NTSR2: variants seen among roughly 807,000 people sequenced by gnomAD.
NTSR2 encodes neurotensin receptor 2, also known as neurotensin receptor type 2.
A neutral mutation model predicts 24.1 loss-of-function variants in NTSR2; 22 were observed. The observed-to-expected ratio is 0.91, with a 90% CI of 0.65 to 1.30. NTSR2 has a LOEUF of 1.30. NTSR2 is among the 50% of genes most tolerant of loss of function. NTSR2 has a pLI of 0.00. For synonymous variants in NTSR2, 291 were observed against 267.0 expected (o/e 1.09, Z -0.88); for missense variants, 570 against 570.4 (o/e 1.00, Z 0.01).
intron 1 of NTSR2, among the ~76,000 whole-genome samples, chr2:11,669,033 C>A (rs954537673): frequency 3.3e-5 from 5 of 152,072 alleles, no homozygotes; most frequent in Non-Finnish European, 5.9e-5. Flanking sequence ...GCCAGGGAGA[C>A]GGTAACAGGA....
chr2:11,670,105 G>A lies in NTSR2; in HGVS notation c.25C>T (p.Pro9Ser). 1 of 1,392,558 alleles carries A rather than the reference G, an allele frequency of 7.2e-7. No homozygotes were observed. Among genetic ancestry groups the A allele is most frequent in the Non-Finnish European group, 9.3e-7 (1 of 1,079,702 alleles). 86.3% of individuals were successfully genotyped at this position (1,392,558 alleles called of 1,614,324 possible). ...AGCCCCGGGTTGGAGCTGGGCCGCG[G>A]GGGCCGCGGGCTGCTGGTTTCCATC... The part of the protein sequence containing the change: METSSPRP[P>S]RPSSNPGLSL... Residue 9 changes from proline to serine, a missense_variant, in exon 1 of 4, where the codon CCG becomes TCG. By Grantham distance (74) the Pro-to-Ser change is moderately conservative. Transcript: ENST00000306928.
intron 1 of NTSR2, 46 bp downstream of exon 1, chr2:11,669,460 G>GGGCCGGGGGGGCC: frequency 3.9e-6 from 1 of 254,726 alleles, no homozygotes; most frequent in Non-Finnish European, 6.9e-6. Flanking sequence ...TCCCAGCACC[G>GGGCCGGGGGGGCC]CCCCCCCACC....
In NTSR2 at chr2:11,669,538, C is replaced by T; in HGVS notation, c.592G>A (p.Val198Met). Residue 198 changes from valine to methionine, a missense_variant, in exon 1 of 4, where the codon GTG becomes ATG. Coordinates refer to ENST00000306928, the MANE Select transcript of NTSR2 (RefSeq NM_012344.4). ...EPASRVCTVL[V>M]SRTALQVFIQ... is the part of the protein sequence containing the mutation. ...AAGACTTGGAGCGCGGTGCGGCTCACCAGCACCGTGCACACTCGCGAGGCG... is the reference window on the plus strand; with the variant it reads ...AAGACTTGGAGCGCGGTGCGGCTCATCAGCACCGTGCACACTCGCGAGGCG... 2.2e-6 allele frequency: 3 copies of T among 1,358,478 alleles called. No homozygotes were observed. The highest frequency in any genetic ancestry group is 1.3e-5 in the South Asian group (1 of 77,022). 84.2% of individuals were successfully genotyped at this position (1,358,478 alleles called of 1,614,324 possible).
rs753410620 is a variant in NTSR2, at chr2:11,667,663, G to A, written c.624+1843C>T. ...CCGAGCCTTATAAACTTTTAAATGC[G>A]AAGTTCCATGTAAAATAAACAAGGA... On this transcript the variant is annotated intron_variant, in intron 1 of 3. Transcript: ENST00000306928. Among the ~76,000 whole-genome samples, 4 of 152,226 alleles carry A rather than the reference G, an allele frequency of 2.6e-5. No homozygotes were observed. The East Asian group carries it at 5.8e-4, about 22-fold the overall frequency.
chr2:11,669,989 C>CGCGCCCA lies in NTSR2; in HGVS notation c.134_140dup (p.Ala48GlyfsTer214), dbSNP rs996705358. The CGCGCCCA allele has an allele frequency of 4.6e-6, 7 of 1,512,788 alleles. No individual in the cohort carries two copies. In the African/African-American group the frequency reaches 1.0e-4, roughly 22 times the overall value. 93.7% of individuals were successfully genotyped at this position (1,512,788 alleles called of 1,614,324 possible). A position where few individuals can be genotyped will look rare whatever the true frequency, so the allele number is the denominator to read the frequency against. On this transcript the variant is annotated frameshift_variant, in exon 1 of 4. Transcript: ENST00000306928. LOFTEE classifies it high-confidence loss of function. ...CGTGCGCGGACAGCGCATTGCCCGCCGCGCCCAGCGCCCAGATGAGTGCGT... is the reference window on the plus strand; with the variant it reads ...CGTGCGCGGACAGCGCATTGCCCGCCGCGCCCAGCGCCCAGCGCCCAGATGAGTGCGT...
Position 11,662,219 on chromosome 2 carries a change from C to T in NTSR2, c.646G>A (p.Val216Met), listed in dbSNP as rs780850319. The change falls in exon 2 of 4, where the codon GTG (valine) becomes ATG (methionine). Residue 216 changes from valine to methionine, a missense_variant. Coordinates refer to ENST00000306928, the MANE Select transcript of NTSR2 (RefSeq NM_012344.4). ...AAAGCAGTTAGTGCCAAGGGGAGCACGAAGGACACCAGCACATTCACCTGT... is the reference window on the plus strand; with the variant it reads ...AAAGCAGTTAGTGCCAAGGGGAGCATGAAGGACACCAGCACATTCACCTGT... ...FIQVNVLVSFVLPLALTAFLN... is the reference protein window; with the variant it reads ...FIQVNVLVSFMLPLALTAFLN... 45 of 1,532,280 alleles carry T rather than the reference C, an allele frequency of 2.9e-5. No homozygotes were observed. In the South Asian group the frequency reaches 4.3e-4, roughly 15 times the overall value. The allele number at this position is 1,532,280 out of a possible 1,614,324, so 94.9% of individuals were successfully genotyped here.
intron 1 of NTSR2, among the ~76,000 whole-genome samples, chr2:11,664,392 A>T (rs1045733733): frequency 6.6e-6 from 1 of 152,244 alleles, no homozygotes; most frequent in African/African-American, 2.4e-5. Flanking sequence ...TGCTGGGATT[A>T]CAGGTGTGAG....
chr2:11,670,066 G>A lies in NTSR2; in HGVS notation c.64C>T (p.Arg22Trp). Residue 22 changes from arginine to tryptophan, a missense_variant, in exon 1 of 4, where the codon CGG becomes TGG. Transcript: ENST00000306928. Reference sequence around the variant, plus strand: ...CAGAGGCGAGTGTCCACGCCCAGCCGGGCGTCCAGGCTCAGCCCCGGGTTG... The same window carrying A: ...CAGAGGCGAGTGTCCACGCCCAGCCAGGCGTCCAGGCTCAGCCCCGGGTTG... ...SSNPGLSLDA[R>W]LGVDTRLWAK... The A allele has an allele frequency of 4.1e-6, 6 of 1,464,838 alleles. No homozygotes were observed. The highest frequency in any genetic ancestry group is 4.5e-6 in the Non-Finnish European group (5 of 1,115,652). 90.7% of individuals were successfully genotyped at this position (1,464,838 alleles called of 1,614,324 possible). A position where few individuals can be genotyped will look rare whatever the true frequency, so the allele number is the denominator to read the frequency against.
intron 1 of NTSR2, among the ~76,000 whole-genome samples, chr2:11,662,447 G>GA (rs535336606): frequency 3.8e-4 from 58 of 151,786 alleles, no homozygotes; most frequent in Middle Eastern, 3.4e-3. Flanking sequence ...GTTCCAGGAA[G>GA]AAAAAAAATA....
chr2:11,659,381 A>T (rs1404941159), intron 3 of NTSR2, among the ~76,000 whole-genome samples: 1 of 152,142 alleles, frequency 6.6e-6, no homozygotes, highest in Non-Finnish European at 1.5e-5. Flanking sequence ...CCGTCTGAGG[A>T]GCCGCACTCC....
chr2:11,659,730 A>G (rs1401798859), intron 3 of NTSR2, among the ~76,000 whole-genome samples: 1 of 152,144 alleles, frequency 6.6e-6, no homozygotes, highest in East Asian at 1.9e-4. Flanking sequence ...GGAAGGAGAG[A>G]GAGAGGAAGC....
chr2:11,669,847 C>G lies in NTSR2; in HGVS notation c.283G>C (p.Val95Leu). 1 of 1,584,694 alleles carries G rather than the reference C, an allele frequency of 6.3e-7. No homozygotes were observed. The highest frequency in any genetic ancestry group is 8.5e-7 in the Non-Finnish European group (1 of 1,171,966). Residue 95 changes from valine (V) to leucine (L), a missense_variant, in exon 1 of 4, where the codon GTG (valine) becomes CTG (leucine). Transcript: ENST00000306928. ...VGVPVELYSFVWFHYPWVFGD... is the reference protein window; with the variant it reads ...VGVPVELYSFLWFHYPWVFGD... ...AAGACCCAGGGGTAGTGGAACCACA[C>G]GAAGCTGTAGAGCTCCACCGGCACG...
At chr2:11,660,764 G>T (rs918248016) in intron 2 of NTSR2, among the ~76,000 whole-genome samples, 8 of 152,136 alleles carry the variant, frequency 5.3e-5, no homozygotes, top group African/African-American at 1.7e-4. Context: ...AAGTGAACTT[G>T]TGTCTTTCTT....
chr2:11,661,360 A>G (rs1661067627), intron 2 of NTSR2, among the ~76,000 whole-genome samples: 1 of 152,144 alleles, frequency 6.6e-6, no homozygotes, highest in Admixed American at 6.5e-5. Context: ...ATCACATTGC[A>G]CTTAGCTCTT....
chr2:11,669,460 G>GGGCCCCCCCC, intron 1 of NTSR2, 46 bp downstream of exon 1: 1 of 254,726 alleles, frequency 3.9e-6, no homozygotes, highest in East Asian at 5.5e-5. Context: ...TCCCAGCACC[G>GGGCCCCCCCC]CCCCCCCACC....
chr2:11,667,873 T>G lies in NTSR2; in HGVS notation c.624+1633A>C, dbSNP rs79979635. Reference sequence around the variant, plus strand: ...ACAGTTGCTCATGGCAGATTCCATGTGATGAGCAAGGGATCTCTGGGCTGA... The same window carrying G: ...ACAGTTGCTCATGGCAGATTCCATGGGATGAGCAAGGGATCTCTGGGCTGA... On this transcript the variant is annotated intron_variant, in intron 1 of 3. Coordinates refer to ENST00000306928, the MANE Select transcript of NTSR2 (RefSeq NM_012344.4). Among the ~76,000 whole-genome samples the G allele has an allele frequency of 9.7e-3, 1,479 of 152,248 alleles. 19 individuals are homozygous for G. The highest frequency in any genetic ancestry group is 0.024 in the Middle Eastern group (7 of 294).
intron 1 of NTSR2, 127 bp from the exon 2 acceptor site, chr2:11,662,367 G>A: frequency 1.1e-5 from 10 of 902,018 alleles, no homozygotes; most frequent in Non-Finnish European, 1.4e-5. Flanking sequence ...AGATAAGGTT[G>A]AGAAAGTTCT....
At chr2:11,664,366 C>G (rs1661149059) in intron 1 of NTSR2, among the ~76,000 whole-genome samples, 1 of 152,198 alleles carries the variant, frequency 6.6e-6, no homozygotes, top group Admixed American at 6.5e-5. Context: ...AATCTGCCCA[C>G]CTTGGCTTCG....
In NTSR2 at chr2:11,670,155, C is replaced by T; in HGVS notation, c.-26G>A. On this transcript the variant is annotated 5_prime_UTR_variant, in exon 1 of 4. Transcript: ENST00000306928. ...CCCGCTCCCGCGGCCGGCGCTCCCT[C>T]CCTCTCACTGCCCGGAGTCTGGGCG... 1 of 1,361,122 alleles carries T rather than the reference C, an allele frequency of 7.3e-7. No individual in the cohort carries two copies. The highest frequency in any genetic ancestry group is 1.8e-5 in the South Asian group (1 of 54,924). 84.3% of individuals were successfully genotyped at this position (1,361,122 alleles called of 1,614,324 possible). A position where few individuals can be genotyped will look rare whatever the true frequency, so the allele number is the denominator to read the frequency against.
Sources: gnomAD v4.1 joint callset for allele counts (sites outside exome capture counted in the v4.1 genomes callset) on GRCh38, gnomAD v4.1.1 for gene constraint, MANE v1.5 for transcripts, NCBI Gene and HGNC (gene_info 2026-07-23, HGNC 2026-07-21) for gene names.